The following ARSF variants were observed in gnomAD, a reference collection of about 807,000 sequenced individuals.
ARSF encodes arylsulfatase F.
ARSF carries 33 observed loss-of-function variants against 35.4 expected under a neutral mutation model. The observed-to-expected ratio is 0.93, with a 90% confidence interval of 0.71 to 1.25. The LOEUF (loss-of-function observed/expected upper bound fraction) is 1.25. ARSF is among the 50% of genes most tolerant of loss of function. The probability of loss-of-function intolerance (pLI) is 0.00; values close to 1 mark genes in which losing one functional copy is unlikely to be tolerated. For synonymous variants in ARSF, 222 were observed against 193.1 expected (o/e 1.15, Z -1.24); for missense variants, 501 against 480.2 (o/e 1.04, Z -0.40).
intron 4 of ARSF, among the ~76,000 whole-genome samples, chrX:3,077,084 A>G (rs2090158185): frequency 8.9e-6 from 1 of 111,912 alleles, no homozygotes; most frequent in Non-Finnish European, 1.9e-5. Flanking sequence ...AAAAGCACAC[A>G]TGTGCATAGG....
intron 1 of ARSF, among the ~76,000 whole-genome samples, chrX:3,044,706 C>T (rs1402649112): frequency 9.1e-6 from 1 of 109,687 alleles, no homozygotes; most frequent in Non-Finnish European, 1.9e-5. Context: ...CTTCTCTGCT[C>T]GCCACTCAGT....
intron 4 of ARSF, 104 bp downstream of exon 4, chrX:3,076,773 G>T: frequency 2.8e-6 from 3 of 1,067,597 alleles, no homozygotes; most frequent in Non-Finnish European, 3.8e-6. Context: ...GGCTGGGCAC[G>T]ATGGCTCACG....
intron 5 of ARSF, among the ~76,000 whole-genome samples, chrX:3,083,363 T>C (rs1163245727): frequency 9.0e-6 from 1 of 111,375 alleles, no homozygotes; most frequent in African/African-American, 3.3e-5. Flanking sequence ...TATTTGTGCA[T>C]CTATCTAATT....
chrX:3,075,252 C>T (rs2090137167), intron 3 of ARSF, among the ~76,000 whole-genome samples: 1 of 111,557 alleles, frequency 9.0e-6, no homozygotes, highest in South Asian at 3.8e-4. Flanking sequence ...GTATATGAAC[C>T]CTGCAGAACA....
At chrX:3,093,182 T>C (rs770574941) in intron 7 of ARSF, among the ~76,000 whole-genome samples, 4 of 112,246 alleles carry the variant, frequency 3.6e-5, no homozygotes, top group Non-Finnish European at 7.5e-5. Flanking sequence ...AAAAAAATTA[T>C]CATGGGTTTC....
chrX:3,090,714 A>G (rs920900566), intron 7 of ARSF, among the ~76,000 whole-genome samples: 3 of 112,066 alleles, frequency 2.7e-5, no homozygotes, highest in Admixed American at 9.5e-5. Flanking sequence ...TGTCTGCATT[A>G]ATTTGCATAG....
intron 3 of ARSF, among the ~76,000 whole-genome samples, chrX:3,072,668 T>G (rs1296885172): frequency 1.8e-5 from 2 of 110,618 alleles, no homozygotes; most frequent in Non-Finnish European, 3.8e-5. Flanking sequence ...TGTAAAGAAC[T>G]TAGAATAGTA....
chrX:3,111,282 G>C (rs923006683), intron 10 of ARSF, among the ~76,000 whole-genome samples: 1 of 111,722 alleles, frequency 9.0e-6, no homozygotes, highest in Non-Finnish European at 1.9e-5. Flanking sequence ...AAGATTAAAA[G>C]TGTTAGAAGA....
At chrX:3,059,465 G>A (rs2090032895) in intron 1 of ARSF, among the ~76,000 whole-genome samples, 1 of 112,402 alleles carries the variant, frequency 8.9e-6, no homozygotes, top group Non-Finnish European at 1.9e-5. Context: ...GCAGCCCACA[G>A]AGGGCAAGCC....
At chrX:3,092,410 C>G (rs1452131590) in intron 7 of ARSF, among the ~76,000 whole-genome samples, 1 of 111,770 alleles carries the variant, frequency 8.9e-6, no homozygotes, top group South Asian at 3.8e-4. Flanking sequence ...TTACTATTTG[C>G]TTTAAAAATT....
chrX:3,093,064 G>A (rs767011573), intron 7 of ARSF, among the ~76,000 whole-genome samples: 1 of 110,363 alleles, frequency 9.1e-6, no homozygotes, highest in Non-Finnish European at 1.9e-5. Flanking sequence ...TACTCGGGAG[G>A]CTGAGGCAGG....
chrX:3,062,536 A>G (rs1017006681), intron 1 of ARSF, among the ~76,000 whole-genome samples: 1 of 111,637 alleles, frequency 9.0e-6, no homozygotes, highest in African/African-American at 3.3e-5. Flanking sequence ...GAAAAGATCA[A>G]CAAAATTGAT....
chrX:3,073,117 T>C (rs1162654533), intron 3 of ARSF, among the ~76,000 whole-genome samples: 1 of 99,305 alleles, frequency 1.0e-5, no homozygotes, highest in Non-Finnish European at 2.0e-5. Flanking sequence ...TAAATATATG[T>C]AAATATATAT....
At chrX:3,070,271 C>T (rs1358360866) in intron 2 of ARSF, among the ~76,000 whole-genome samples, 19 of 111,201 alleles carry the variant, frequency 1.7e-4, no homozygotes, top group East Asian at 2.8e-4. Flanking sequence ...GTATATGTAC[C>T]GCATTTTCTT....
chrX:3,077,403 C>A (rs982695069), intron 4 of ARSF, among the ~76,000 whole-genome samples: 5 of 111,746 alleles, frequency 4.5e-5, no homozygotes, highest in African/African-American at 1.6e-4. Context: ...CTTTGGGAGG[C>A]CAAGGCAGGT....
At chrX:3,071,937 C>T in intron 2 of ARSF, 89 bp from the exon 3 acceptor site, 1 of 995,579 alleles carries the variant, frequency 1.0e-6, no homozygotes, top group African/African-American at 1.9e-5. Context: ...ACGTGATCTC[C>T]AAAGACCCCT....
chrX:3,109,411 A>G (rs986040890), intron 9 of ARSF, among the ~76,000 whole-genome samples: 1 of 112,096 alleles, frequency 8.9e-6, no homozygotes, highest in African/African-American at 3.2e-5. Flanking sequence ...TTCTAATACA[A>G]GGCATAAGAT....
At chrX:3,096,068 G>T (rs777530685) in intron 7 of ARSF, among the ~76,000 whole-genome samples, 1 of 107,506 alleles carries the variant, frequency 9.3e-6, no homozygotes, top group African/African-American at 3.3e-5. Flanking sequence ...ATTTGTTTTT[G>T]TATAGTATAT....
chrX:3,080,473 A>AG (rs113395537), intron 4 of ARSF, among the ~76,000 whole-genome samples: 5 of 19,025 alleles, frequency 2.6e-4, no homozygotes, highest in Non-Finnish European at 4.0e-4. Context: ...ACTTCATCTC[A>AG]AAAAAAAAAA....
Sources: gnomAD v4.1 joint callset for allele counts (sites outside exome capture counted in the v4.1 genomes callset) on GRCh38, gnomAD v4.1.1 for gene constraint, MANE v1.5 for transcripts, NCBI Gene and HGNC (gene_info 2026-07-23, HGNC 2026-07-21) for gene names.